The following CCL28 variants were observed in gnomAD, a reference collection of about 807,000 sequenced individuals.
The protein encoded by CCL28 is C-C motif chemokine ligand 28.
In CCL28, 4 loss-of-function variants were observed where a neutral mutation model predicts 7.1. The observed-to-expected ratio is 0.56, with a 90% confidence interval of 0.28 to 1.29. The LOEUF (loss-of-function observed/expected upper bound fraction) is 1.29, where lower values mean the gene tolerates loss of function less well. Ranked by LOEUF, CCL28 falls within the 50% of genes most tolerant of loss-of-function variation. The probability of loss-of-function intolerance (pLI) is 0.11; values close to 1 mark genes in which losing one functional copy is unlikely to be tolerated. For synonymous variants in CCL28, 55 were observed against 57.8 expected (o/e 0.95, Z 0.22); for missense variants, 151 against 163.4 (o/e 0.92, Z 0.41).
At chr5:43,364,211 A>AT in the CCL28 span, among the ~76,000 whole-genome samples, 12 of 151,908 alleles carry the variant, frequency 7.9e-5, no homozygotes, top group South Asian at 6.2e-4. Context: ...AAACATTGTG[A>AT]TTTTTTTTTA....
intron 1 of CCL28, among the ~76,000 whole-genome samples, chr5:43,400,612 T>C (rs1461795769): frequency 1.3e-5 from 2 of 152,194 alleles, no homozygotes; most frequent in Non-Finnish European, 2.9e-5. Flanking sequence ...TGGCATCACC[T>C]GGGAGCTGAT....
At chr5:43,359,014 T>G in the CCL28 span, among the ~76,000 whole-genome samples, 13 of 152,302 alleles carry the variant, frequency 8.5e-5, no homozygotes, top group African/African-American at 2.9e-4. Flanking sequence ...TTCCTAAAAC[T>G]GATCCCCTCC....
chr5:43,372,104 A>C (rs1739795292), downstream of CCL28, among the ~76,000 whole-genome samples: 1 of 152,208 alleles, frequency 6.6e-6, no homozygotes, highest in Non-Finnish European at 1.5e-5. Flanking sequence ...GGATGGCACC[A>C]AGCCATTCAT....
the CCL28 span, among the ~76,000 whole-genome samples, chr5:43,371,029 G>A: frequency 2.6e-5 from 4 of 152,088 alleles, no homozygotes; most frequent in Admixed American, 6.6e-5. Flanking sequence ...GGAGTGAGCC[G>A]CCATGCCTGG....
chr5:43,400,652 T>C (rs1381322181), intron 1 of CCL28, among the ~76,000 whole-genome samples: 3 of 152,168 alleles, frequency 2.0e-5, no homozygotes, highest in Admixed American at 2.0e-4. Context: ...GCACTGGTAC[T>C]ATATATAGAA....
rs1327427195 is a variant in CCL28, at chr5:43,388,334, G to A, written c.191+16C>T. 6.2e-7 allele frequency: 1 copy of A among 1,613,806 alleles called. No individual in the cohort carries two copies. The highest frequency in any genetic ancestry group is 1.7e-4 in the Middle Eastern group (1 of 6,056). ...TCACTGTGCAGGTTTAGACCTCCCG[G>A]CTGATGAGCACTCACATGACAGCAG... On this transcript the variant is annotated intron_variant, in intron 2 of 2. Coordinates refer to ENST00000361115, the MANE Select transcript of CCL28 (RefSeq NM_148672.3).
In CCL28 at chr5:43,381,092, AG is replaced by A. The variant is rs1414126914; in HGVS notation, c.*767del. The A allele has an allele frequency of 1.3e-5, 2 of 152,084 alleles. No individual in the cohort carries two copies. Among genetic ancestry groups the A allele is most frequent in the Admixed American group, 1.3e-4 (2 of 15,272 alleles). 9.4% of individuals were successfully genotyped at this position (152,084 alleles called of 1,614,324 possible). ...CAAGTTATAACACCAAAAAGAAACT[AG>A]GGGTGAAGTGTCATGATTTTTGCAA... On this transcript the variant is annotated 3_prime_UTR_variant, in exon 3 of 3. Transcript: ENST00000361115.
At chr5:43,375,484 A>AAG (rs1554024590), downstream of CCL28, among the ~76,000 whole-genome samples, 34 of 148,348 alleles carry the variant, frequency 2.3e-4, 1 homozygote, top group African/African-American at 8.5e-4. Context: ...AAAAAAAAAA[A>AAG]AGCCATTGCC....
the CCL28 span, among the ~76,000 whole-genome samples, chr5:43,368,608 T>G: frequency 6.6e-6 from 1 of 152,206 alleles, no homozygotes; most frequent in Non-Finnish European, 1.5e-5. Flanking sequence ...GGGTATGACT[T>G]TATTTGGAAA....
At chr5:43,374,511 A>G (rs761225777), downstream of CCL28, among the ~76,000 whole-genome samples, 15 of 152,196 alleles carry the variant, frequency 9.9e-5, no homozygotes, top group South Asian at 4.1e-4. Flanking sequence ...GGCTGGGTGC[A>G]GTGGCTCACG....
At chr5:43,377,796 A>G (rs1269572067), downstream of CCL28, among the ~76,000 whole-genome samples, 2 of 118,466 alleles carry the variant, frequency 1.7e-5, no homozygotes, top group African/African-American at 3.3e-5. Context: ...GCAGTGGCGC[A>G]ATCTCGGCTC....
chr5:43,404,191 T>C (rs1741166975), intron 1 of CCL28, among the ~76,000 whole-genome samples: 1 of 152,206 alleles, frequency 6.6e-6, no homozygotes, highest in South Asian at 2.1e-4. Flanking sequence ...AGAGCAACTC[T>C]GAGACACATA....
downstream of CCL28, among the ~76,000 whole-genome samples, chr5:43,372,212 T>C (rs114939357): frequency 6.5e-3 from 992 of 152,302 alleles, 15 homozygotes; most frequent in African/African-American, 0.021. Context: ...CAAACATAGC[T>C]AACTGTAGCA....
downstream of CCL28, among the ~76,000 whole-genome samples, chr5:43,376,413 C>T (rs1490540220): frequency 6.6e-6 from 1 of 152,158 alleles, no homozygotes; most frequent in Admixed American, 6.5e-5. Flanking sequence ...GAGCCCCCCA[C>T]AACAAAGAAT....
downstream of CCL28, among the ~76,000 whole-genome samples, chr5:43,373,204 A>G (rs913623928): frequency 3.3e-5 from 5 of 152,198 alleles, no homozygotes; most frequent in Admixed American, 3.3e-4. Context: ...ATATGACTAG[A>G]TAGTGAAGAC....
the CCL28 span, among the ~76,000 whole-genome samples, chr5:43,357,136 T>C: frequency 2.0e-5 from 3 of 152,298 alleles, no homozygotes; most frequent in Non-Finnish European, 4.4e-5. Flanking sequence ...AAGGAGTTGC[T>C]ACCCAGAGTG....
At chr5:43,360,726 T>C in the CCL28 span, among the ~76,000 whole-genome samples, 3 of 152,336 alleles carry the variant, frequency 2.0e-5, no homozygotes, top group East Asian at 5.8e-4. Flanking sequence ...ATGTATGTCT[T>C]CTTTTGAAAA....
chr5:43,367,027 T>C, the CCL28 span, among the ~76,000 whole-genome samples: 9 of 152,368 alleles, frequency 5.9e-5, no homozygotes, highest in Admixed American at 4.6e-4. Flanking sequence ...CGTGTTTGTG[T>C]TTACACTTTG....
At chr5:43,362,184 G>A in the CCL28 span, among the ~76,000 whole-genome samples, 1 of 151,970 alleles carries the variant, frequency 6.6e-6, no homozygotes. Context: ...GCTGTGTTTT[G>A]TAATACTCAT....
Sources: allele counts gnomAD v4.1 joint callset (sites outside exome capture counted in the v4.1 genomes callset), GRCh38; gene constraint gnomAD v4.1.1; transcripts MANE v1.5; gene names NCBI Gene and HGNC (gene_info 2026-07-23, HGNC 2026-07-21).